FCHO2: variants seen among roughly 807,000 people sequenced by gnomAD.
The protein encoded by FCHO2 is FCH and mu domain containing endocytic adaptor 2.
A neutral mutation model predicts 114.1 loss-of-function variants in FCHO2; 43 were observed. The observed-to-expected ratio is 0.38, with a 90% CI of 0.30 to 0.49. FCHO2 has a LOEUF of 0.49. Among genes scored for constraint, FCHO2 ranks in the 20% least tolerant of loss-of-function variants. The pLI is 0.97. For missense variants in FCHO2, 807 were observed against 950.4 expected (o/e 0.85, Z 1.98); for synonymous variants, 293 against 315.2 (o/e 0.93, Z 0.75).
intron 2 of FCHO2, among the ~76,000 whole-genome samples, chr5:72,987,858 G>A (rs934926563): frequency 1.3e-5 from 2 of 152,162 alleles, no homozygotes; most frequent in East Asian, 3.9e-4. Flanking sequence ...TAGAGAGCTG[G>A]TTTTTGTGCA....
chr5:72,967,977 C>T lies in FCHO2; in HGVS notation c.34-521C>T, dbSNP rs191765306. On this transcript the variant is annotated intron_variant, in intron 1 of 25. Transcript: ENST00000430046. ...TCTTGCTCTGTCACCCAGGCTGGGG[C>T]GCAGTGGCACAATCCCGGCTCACTG... Among the ~76,000 whole-genome samples, 370 of 146,800 alleles carry T rather than the reference C, an allele frequency of 2.5e-3. 3 individuals are homozygous for T. Among genetic ancestry groups the T allele is most frequent in the Non-Finnish European group, 2.1e-3 (138 of 66,924 alleles).
intron 1 of FCHO2, among the ~76,000 whole-genome samples, chr5:72,965,465 C>G (rs1027400920): frequency 3.3e-5 from 5 of 152,194 alleles, no homozygotes; most frequent in Admixed American, 3.3e-4. Flanking sequence ...ACTTGCTTGA[C>G]ACGATTGCCA....
chr5:73,055,142 A>T, intron 15 of FCHO2: 1 of 301,050 alleles, frequency 3.3e-6, no homozygotes, highest in Non-Finnish European at 6.9e-6. Context: ...GTAAATGAAT[A>T]ATAAATACCA....
intron 24 of FCHO2, among the ~76,000 whole-genome samples, chr5:73,086,661 C>T (rs1303538996): frequency 6.6e-6 from 1 of 152,148 alleles, no homozygotes; most frequent in Admixed American, 6.5e-5. Flanking sequence ...GTTGGTCTCC[C>T]AACCTTGCAT....
intron 1 of FCHO2, among the ~76,000 whole-genome samples, chr5:72,961,931 A>G (rs752129650): frequency 6.6e-6 from 1 of 152,120 alleles, no homozygotes; most frequent in Non-Finnish European, 1.5e-5. Flanking sequence ...CACAGATGAG[A>G]CCAAATAACA....
At position 73,078,238 on chromosome 5, in the gene FCHO2, A is replaced by G; in HGVS notation, c.1906A>G (p.Thr636Ala). 6.3e-7 allele frequency: 1 copy of G among 1,591,686 alleles called. No homozygotes were observed. The highest frequency in any genetic ancestry group is 8.6e-7 in the Non-Finnish European group (1 of 1,168,458). ...TTTTTGGATGAACATGCAAGCTGTT[A>G]CAGTCTACCTCAAGAAGCTGTCAGA... The part of the protein sequence containing the change: ...KDFWMNMQAV[T>A]VYLKKLSEQN... The change falls in exon 22 of 26, where the codon ACA becomes GCA. Residue 636 changes from threonine to alanine, a missense_variant. Coordinates refer to ENST00000430046, the MANE Select transcript of FCHO2 (RefSeq NM_138782.3).
In FCHO2 at chr5:73,088,354, GATTA is replaced by G. The variant is rs758052730; in HGVS notation, c.*268_*271del. 33 of 448,636 alleles carry G rather than the reference GATTA, an allele frequency of 7.4e-5. No homozygotes were observed. The highest frequency in any genetic ancestry group is 1.1e-4 in the Non-Finnish European group (28 of 251,938). The allele number at this position is 448,636 out of a possible 1,614,324, so 27.8% of individuals were successfully genotyped here. ...CTCAGTAAAAATGAAGTTTTTGTAG[GATTA>G]ATTTTTAAATTATTTCCAGTGTCTA... On this transcript the variant is annotated 3_prime_UTR_variant, in exon 26 of 26. Coordinates refer to ENST00000430046, the MANE Select transcript of FCHO2 (RefSeq NM_138782.3).
At chr5:73,054,300 C>T in intron 14 of FCHO2, 129 bp downstream of exon 14, 2 of 932,032 alleles carry the variant, frequency 2.1e-6, no homozygotes, top group Non-Finnish European at 1.6e-6. Flanking sequence ...GTAGATGTTG[C>T]TTTAATATTT....
chr5:73,023,894 T>C (rs1755772910), intron 8 of FCHO2, among the ~76,000 whole-genome samples: 1 of 152,190 alleles, frequency 6.6e-6, no homozygotes, highest in African/African-American at 2.4e-5. Flanking sequence ...AATGTCCTAC[T>C]TGTCAACCTA....
intron 2 of FCHO2, among the ~76,000 whole-genome samples, chr5:72,978,836 T>C (rs1338579680): frequency 1.3e-5 from 2 of 152,146 alleles, no homozygotes; most frequent in East Asian, 1.9e-4. Context: ...TGAATTTTGT[T>C]GAAGGCCTTT....
Position 73,089,179 on chromosome 5 carries a change from T to A in FCHO2, c.*1089T>A, listed in dbSNP as rs1743406098. 1.3e-5 allele frequency: 2 copies of A among 152,552 alleles called. No homozygotes were observed. Among genetic ancestry groups the A allele is most frequent in the Admixed American group, 1.3e-4 (2 of 15,266 alleles). 9.4% of individuals were successfully genotyped at this position (152,552 alleles called of 1,614,324 possible). A position where few individuals can be genotyped will look rare whatever the true frequency, so the allele number is the denominator to read the frequency against. On this transcript the variant is annotated 3_prime_UTR_variant, in exon 26 of 26. Coordinates refer to ENST00000430046, the MANE Select transcript of FCHO2 (RefSeq NM_138782.3). ...TTAACCTCATCAAAAGTGTGTGAAT[T>A]TTAAAACAAATTCTAAAAAAACTAT...
chr5:72,986,131 A>G (rs112477465), intron 2 of FCHO2, among the ~76,000 whole-genome samples: 4 of 151,348 alleles, frequency 2.6e-5, no homozygotes, highest in African/African-American at 2.4e-5. Flanking sequence ...TTTTTTCTCC[A>G]TCTCCTTTTT....
chr5:73,046,393 G>A lies in FCHO2; in HGVS notation c.940-4956G>A, dbSNP rs114533534. On this transcript the variant is annotated intron_variant, in intron 11 of 25. Transcript: ENST00000430046. Reference sequence around the variant, plus strand: ...GTTGATGTTTTGATCAGAATTTATCGTTGTAGTCTACAGGAGGTTGGTCCA... The same window carrying A: ...GTTGATGTTTTGATCAGAATTTATCATTGTAGTCTACAGGAGGTTGGTCCA... 6.3e-3 allele frequency among the ~76,000 whole-genome samples: 959 copies of A among 152,160 alleles called. 14 individuals carry two copies. The highest frequency in any genetic ancestry group is 0.022 in the African/African-American group (910 of 41,514).
intron 5 of FCHO2, among the ~76,000 whole-genome samples, chr5:73,003,400 C>T (rs867969114): frequency 6.6e-6 from 1 of 152,102 alleles, no homozygotes; most frequent in Non-Finnish European, 1.5e-5. Flanking sequence ...TGGTCTTGAA[C>T]TCCTAGCCTC....
intron 6 of FCHO2, among the ~76,000 whole-genome samples, chr5:73,009,684 G>A (rs1754902155): frequency 6.6e-6 from 1 of 152,062 alleles, no homozygotes; most frequent in Non-Finnish European, 1.5e-5. Flanking sequence ...CTGCAGGTGT[G>A]CACCATCATG....
rs535683122 is a variant in FCHO2, at chr5:73,032,820, G to A, written c.797-1837G>A. Among the ~76,000 whole-genome samples, 7 of 152,216 alleles carry A rather than the reference G, an allele frequency of 4.6e-5. No homozygotes were observed. In the East Asian group the frequency reaches 1.4e-3, roughly 29 times the overall value. ...TAGGAGAATTTTTGACTAACCACATGCCTGATTGCCTTTTTTTGGTAAACC... is the reference window on the plus strand; with the variant it reads ...TAGGAGAATTTTTGACTAACCACATACCTGATTGCCTTTTTTTGGTAAACC... On this transcript the variant is annotated intron_variant, in intron 8 of 25. Transcript: ENST00000430046.
intron 12 of FCHO2, among the ~76,000 whole-genome samples, chr5:73,051,642 C>T (rs1757343754): frequency 6.6e-6 from 1 of 152,264 alleles, no homozygotes; most frequent in South Asian, 2.1e-4. Flanking sequence ...TCTCAGCTCA[C>T]TGCAGCCTCT....
chr5:73,081,844 C>G lies in FCHO2; in HGVS notation c.2042C>G (p.Ala681Gly), dbSNP rs1445503004. 2 of 1,611,168 alleles carry G rather than the reference C, an allele frequency of 1.2e-6. No individual in the cohort carries two copies. Among genetic ancestry groups the G allele is most frequent in the Admixed American group, 1.7e-5 (1 of 59,770 alleles). ...LNLATYWKCS[A>G]STTDLRVDYK... ...CTTGCAACATACTGGAAATGTAGTG[C>G]TAGCACCACAGATCTTAGAGTGGAT... Residue 681 changes from alanine (A) to glycine (G), a missense_variant, in exon 23 of 26, where the codon GCT becomes GGT. Coordinates refer to ENST00000430046, the MANE Select transcript of FCHO2 (RefSeq NM_138782.3).
At chr5:72,968,164 T>C (rs1752309049) in intron 1 of FCHO2, among the ~76,000 whole-genome samples, 1 of 152,130 alleles carries the variant, frequency 6.6e-6, no homozygotes, top group South Asian at 2.1e-4. Context: ...GACCTCGTGA[T>C]CCGCCCACCT....
Sources: gnomAD v4.1 joint callset for allele counts (sites outside exome capture counted in the v4.1 genomes callset) on GRCh38, gnomAD v4.1.1 for gene constraint, MANE v1.5 for transcripts, NCBI Gene and HGNC (gene_info 2026-07-23, HGNC 2026-07-21) for gene names.